SH3PXD2A: variants seen among roughly 807,000 people sequenced by gnomAD.
SH3PXD2A encodes SH3 and PX domains 2A.
A neutral mutation model predicts 115.2 loss-of-function variants in SH3PXD2A; 32 were observed. The observed-to-expected ratio is 0.28, with a 90% CI of 0.21 to 0.37. The LOEUF is 0.37. SH3PXD2A is among the 10% of genes least tolerant of loss of function. The pLI, the probability that SH3PXD2A is intolerant of heterozygous loss-of-function variation, is 1.00. For missense variants in SH3PXD2A, 1,328 were observed against 1,498.7 expected, an observed-to-expected ratio of 0.89 and a Z score of 1.88; for synonymous variants, 610 against 629.1, an observed-to-expected ratio of 0.97 and a Z score of 0.45.
rs1490556569 is a variant in SH3PXD2A, at chr10:103,596,039, A to G, written c.*5777T>C. ...AGCCAGAAACTCAGGAAGGTCTAGC[A>G]CAGCCCTCCACACACTTCCCAGGAA... On this transcript the variant is annotated 3_prime_UTR_variant, in exon 15 of 15. Transcript: ENST00000369774. The G allele has an allele frequency of 6.6e-6, 1 of 152,302 alleles. No homozygotes were observed. The highest frequency in any genetic ancestry group is 1.5e-5 in the Non-Finnish European group (1 of 68,042). 9.4% of individuals were successfully genotyped at this position (152,302 alleles called of 1,614,324 possible).
intron 2 of SH3PXD2A, among the ~76,000 whole-genome samples, chr10:103,785,633 G>A (rs1031329663): frequency 2.6e-5 from 4 of 152,108 alleles, no homozygotes; most frequent in African/African-American, 7.2e-5. Flanking sequence ...CAAGACTGCC[G>A]CCTGATTCCA....
At position 103,756,904 on chromosome 10, in the gene SH3PXD2A, G is replaced by A. The variant is rs570484351; in HGVS notation, c.229+10190C>T. ...TCTCCTCTGCTCCGTGCAAGCTCCCGCCAGCCCCTTCTCCAGACTCCACAC... is the reference window on the plus strand; with the variant it reads ...TCTCCTCTGCTCCGTGCAAGCTCCCACCAGCCCCTTCTCCAGACTCCACAC... On this transcript the variant is annotated intron_variant, in intron 3 of 14. Transcript: ENST00000369774. The surrounding 1 kb of genome is among the most constrained non-coding windows in gnomAD (Gnocchi z 4.4). Among the ~76,000 whole-genome samples the A allele has an allele frequency of 2.6e-5, 4 of 152,168 alleles. No homozygotes were observed. Among genetic ancestry groups the A allele is most frequent in the Admixed American group, 2.0e-4 (3 of 15,284 alleles).
chr10:103,701,971 T>C lies in SH3PXD2A; in HGVS notation c.399-8915A>G, dbSNP rs1347461626. Reference sequence around the variant, plus strand: ...CCATCCATCATCTATCTACCATCCATCCAACATCCATCCACCATCCATCCA... The same window carrying C: ...CCATCCATCATCTATCTACCATCCACCCAACATCCATCCACCATCCATCCA... On this transcript the variant is annotated intron_variant, in intron 5 of 14. Coordinates refer to ENST00000369774, the MANE Select transcript of SH3PXD2A (RefSeq NM_001394015.1). Among the ~76,000 whole-genome samples the C allele has an allele frequency of 6.2e-5, 9 of 146,134 alleles. No homozygotes were observed. The East Asian group carries it at 1.7e-3, about 28-fold the overall frequency.
At position 103,601,990 on chromosome 10, in the gene SH3PXD2A, C is replaced by T; in HGVS notation, c.3228G>A (p.Val1076=). ...CCTCGTAGTCTGCGATAGAGACGTA[C>T]ACATCTTTGAGGTTATTGTGGATGA... ...SQFIHNNLKD[V]YVSIADYEGD... The change falls in exon 15 of 15, where the codon GTG becomes GTA. Residue 1076 remains valine, a synonymous_variant. Coordinates refer to ENST00000369774, the MANE Select transcript of SH3PXD2A (RefSeq NM_001394015.1). 5 of 1,613,990 alleles carry T rather than the reference C, an allele frequency of 3.1e-6. No individual in the cohort carries two copies. The highest frequency in any genetic ancestry group is 1.1e-5 in the South Asian group (1 of 91,046).
At chr10:103,612,032 A>G (rs1041354059) in intron 12 of SH3PXD2A, among the ~76,000 whole-genome samples, 1 of 152,174 alleles carries the variant, frequency 6.6e-6, no homozygotes, top group Non-Finnish European at 1.5e-5. Context: ...GTGCCCAATA[A>G]CTGTTTCCCA....
chr10:103,819,706 G>A (rs369388981), intron 1 of SH3PXD2A, among the ~76,000 whole-genome samples: 169 of 152,234 alleles, frequency 1.1e-3, no homozygotes, highest in African/African-American at 3.9e-3. Flanking sequence ...GGCTGAAGGA[G>A]GAATAGATGA....
intron 10 of SH3PXD2A, among the ~76,000 whole-genome samples, chr10:103,617,994 T>C (rs1459023998): frequency 6.6e-6 from 1 of 152,218 alleles, no homozygotes; most frequent in Non-Finnish European, 1.5e-5. Context: ...CAAATGAGCT[T>C]GGAAACACCA....
intron 8 of SH3PXD2A, among the ~76,000 whole-genome samples, chr10:103,639,271 C>G (rs1269255696): frequency 3.3e-5 from 5 of 152,192 alleles, no homozygotes; most frequent in Non-Finnish European, 5.9e-5. Flanking sequence ...TGACAGGCTG[C>G]ATGGGCTCAC....
rs1311857240 is a variant in SH3PXD2A, at chr10:103,801,291, A to G, written c.144T>C (p.Phe48=). ...QTIYRRYSKF[F]DLQMQLLDKF... ...GCTCTGACAAACTCACCTGCAGGTC[A>G]AAGAACTTGCTGTACCTCCGGTAGA... Residue 48 remains phenylalanine (F), a synonymous_variant, in exon 2 of 15, where the codon TTT becomes TTC. Transcript: ENST00000369774. The G allele has an allele frequency of 1.9e-6, 3 of 1,607,834 alleles. No individual in the cohort carries two copies. The highest frequency in any genetic ancestry group is 2.6e-6 in the Non-Finnish European group (3 of 1,174,520).
chr10:103,787,457 G>C (rs1034062899), intron 2 of SH3PXD2A, among the ~76,000 whole-genome samples: 2 of 152,238 alleles, frequency 1.3e-5, no homozygotes, highest in Non-Finnish European at 2.9e-5. Flanking sequence ...AGTCTCTTCT[G>C]TCTTGGTCCC....
chr10:103,766,959 G>A (rs2038761190), intron 3 of SH3PXD2A, 135 bp downstream of exon 3: 2 of 649,182 alleles, frequency 3.1e-6, no homozygotes, highest in African/African-American at 3.6e-5. Context: ...CAAATCCCCT[G>A]GGGGAATTGT....
chr10:103,759,268 A>T (rs903143795), intron 3 of SH3PXD2A, among the ~76,000 whole-genome samples: 6 of 152,228 alleles, frequency 3.9e-5, no homozygotes, highest in African/African-American at 1.4e-4. Context: ...GAGTCAGTAC[A>T]AAAGAAGCAA....
intron 5 of SH3PXD2A, among the ~76,000 whole-genome samples, chr10:103,707,215 G>A (rs79651317): frequency 1.5e-5 from 2 of 131,350 alleles, no homozygotes; most frequent in East Asian, 4.4e-4. Context: ...TTTTTTTTTT[G>A]AGATGGAGTC....
rs2036116897 is a variant in SH3PXD2A, at chr10:103,595,247, AT to A, written c.*6568del. On this transcript the variant is annotated 3_prime_UTR_variant, in exon 15 of 15. Transcript: ENST00000369774. ...CAGTTTCTGTGGCCAAATTTGGAGG[AT>A]TTTCCAACCTGCTATGGCTGGACCC... is the stretch of plus-strand genomic sequence containing the variant. 6.6e-6 allele frequency: 1 copy of A among 152,022 alleles called. No homozygotes were observed. The highest frequency in any genetic ancestry group is 2.4e-5 in the African/African-American group (1 of 41,370). 9.4% of individuals were successfully genotyped at this position (152,022 alleles called of 1,614,324 possible). A position where few individuals can be genotyped will look rare whatever the true frequency, so the allele number is the denominator to read the frequency against.
At chr10:103,612,766 C>T (rs931764583) in intron 12 of SH3PXD2A, 87 bp downstream of exon 12, 3 of 893,930 alleles carry the variant, frequency 3.4e-6, no homozygotes, top group Middle Eastern at 3.5e-4. Context: ...CATGGGGGTC[C>T]TGTGCACCCC....
intron 6 of SH3PXD2A, among the ~76,000 whole-genome samples, chr10:103,680,937 C>T (rs1272111479): frequency 1.3e-5 from 2 of 152,206 alleles, no homozygotes; most frequent in African/African-American, 4.8e-5. Context: ...AAGTAATGCA[C>T]ATTTCCCCCA....
At chr10:103,844,049 G>T (rs1222171290) in intron 1 of SH3PXD2A, among the ~76,000 whole-genome samples, 1 of 152,232 alleles carries the variant, frequency 6.6e-6, no homozygotes, top group Non-Finnish European at 1.5e-5. Flanking sequence ...AGTTGCCAAT[G>T]AGTGATGACT....
intron 5 of SH3PXD2A, among the ~76,000 whole-genome samples, chr10:103,701,056 CATCCATCA>C (rs2037889860): frequency 4.1e-4 from 1 of 2,432 alleles, no homozygotes; most frequent in African/African-American, 3.4e-3. Flanking sequence ...TCCATCCATC[CATCCATCA>C]TCCATCCATC....
intron 10 of SH3PXD2A, among the ~76,000 whole-genome samples, chr10:103,622,185 T>C (rs2036616705): frequency 6.6e-6 from 1 of 152,048 alleles, no homozygotes; most frequent in East Asian, 1.9e-4. Context: ...CGAAACCCCC[T>C]TGTCCCCCTC....
Sources: gnomAD v4.1 joint callset for allele counts (sites outside exome capture counted in the v4.1 genomes callset) on GRCh38, gnomAD v4.1.1 for gene constraint, Gnocchi (gnomAD v3.1) non-coding constraint, MANE v1.5 for transcripts, NCBI Gene and HGNC (gene_info 2026-07-23, HGNC 2026-07-21) for gene names.